ZNF490: variants seen among roughly 807,000 people sequenced by gnomAD.
The protein encoded by ZNF490 is zinc finger protein 490.
ZNF490 carries 11 observed loss-of-function variants against 17.7 expected under a neutral mutation model. That is an observed-to-expected ratio of 0.62 (90% confidence interval 0.39 to 1.03). The LOEUF is 1.03. ZNF490 is among the 50% of genes least tolerant of loss of function. The pLI is 0.00. For missense variants in ZNF490, 542 were observed against 643.4 expected (o/e 0.84, Z 1.71); for synonymous variants, 222 against 216.1 (o/e 1.03, Z -0.24).
intron 4 of ZNF490, among the ~76,000 whole-genome samples, 162 bp downstream of exon 4, chr19:12,582,688 C>T (rs2022754854): frequency 6.6e-6 from 1 of 152,170 alleles, no homozygotes. Flanking sequence ...GCCACCACGC[C>T]TGGCTGCCCA....
In ZNF490 at chr19:12,580,392, C is replaced by A; in HGVS notation, c.*93G>T. ...AGGACAACTGAAGGCTTAATCACACCGTTTACATTCCTTGAATTTCTCTCC... is the reference window on the plus strand; with the variant it reads ...AGGACAACTGAAGGCTTAATCACACAGTTTACATTCCTTGAATTTCTCTCC... On this transcript the variant is annotated 3_prime_UTR_variant, in exon 5 of 5. Transcript: ENST00000311437. 2.7e-6 allele frequency: 4 copies of A among 1,496,652 alleles called. No homozygotes were observed. Among genetic ancestry groups the A allele is most frequent in the Non-Finnish European group, 3.6e-6 (4 of 1,126,730 alleles). 92.7% of individuals were successfully genotyped at this position (1,496,652 alleles called of 1,614,324 possible).
At chr19:12,610,055 A>C in intron 1 of ZNF490, 2 of 426,524 alleles carry the variant, frequency 4.7e-6, no homozygotes, top group Non-Finnish European at 9.2e-6. Flanking sequence ...CAACGAAAAC[A>C]AACCATTTCC....
Position 12,580,648 on chromosome 19 carries a change from C to G in ZNF490, c.1427G>C (p.Cys476Ser). The G allele has an allele frequency of 6.2e-7, 1 of 1,614,222 alleles. No individual in the cohort carries two copies. Residue 476 changes from cysteine to serine, a missense_variant, in exon 5 of 5, where the codon TGT (cysteine) becomes TCT (serine). Physicochemically the swap from Cys to Ser is moderately radical, Grantham distance 112 (BLOSUM62 -1). Transcript: ENST00000311437. ...AGTGAAAGCTTTGCCACACTGCTTACACTCACATGGTTTCACTCCAGTGTG... is the reference window on the plus strand; with the variant it reads ...AGTGAAAGCTTTGCCACACTGCTTAGACTCACATGGTTTCACTCCAGTGTG... ...RSHTGVKPCE[C>S]KQCGKAFTCL...
intron 2 of ZNF490, among the ~76,000 whole-genome samples, chr19:12,607,553 T>G (rs1241849506): frequency 1.3e-5 from 2 of 151,770 alleles, no homozygotes; most frequent in Admixed American, 6.6e-5. Context: ...ATAATGGAAC[T>G]TCTCAGTATT....
chr19:12,589,540 T>A (rs1167086592), intron 2 of ZNF490, among the ~76,000 whole-genome samples: 1 of 150,042 alleles, frequency 6.7e-6, no homozygotes, highest in African/African-American at 2.4e-5. Context: ...GATAGCAAAC[T>A]AGGAATAGAA....
At chr19:12,602,079 T>TAC (rs61568541) in intron 2 of ZNF490, among the ~76,000 whole-genome samples, 5,970 of 68,538 alleles carry the variant, frequency 0.087, 165 homozygotes, top group East Asian at 0.16. Flanking sequence ...GTTCACTATA[T>TAC]ACACACACAC....
Position 12,584,301 on chromosome 19 carries a change from C to T in ZNF490, c.163-745G>A, listed in dbSNP as rs564038771. Reference sequence around the variant, plus strand: ...CCTCCCAAGTAGCTGGGACTACAGGCGCGTGCCACCACGCCCAGCTAATTT... The same window carrying T: ...CCTCCCAAGTAGCTGGGACTACAGGTGCGTGCCACCACGCCCAGCTAATTT... On this transcript the variant is annotated intron_variant, in intron 2 of 4. Coordinates refer to ENST00000311437, the MANE Select transcript of ZNF490 (RefSeq NM_020714.3). Among the ~76,000 whole-genome samples, 21 of 89,906 alleles carry T rather than the reference C, an allele frequency of 2.3e-4. 5 individuals carry two copies. The highest frequency in any genetic ancestry group is 8.4e-4 in the East Asian group (4 of 4,772). 59.0% of individuals were successfully genotyped at this position (89,906 alleles called of 152,430 possible).
rs1478783621 is a variant in ZNF490, at chr19:12,583,785, CTCTCTCTA to C, written c.163-237_163-230del. Among the ~76,000 whole-genome samples the C allele has an allele frequency of 4.1e-3, 361 of 87,994 alleles. 2 individuals are homozygous for C. The highest frequency in any genetic ancestry group is 5.2e-3 in the African/African-American group (102 of 19,686). 57.7% of individuals were successfully genotyped at this position (87,994 alleles called of 152,430 possible). A position where few individuals can be genotyped will look rare whatever the true frequency, so the allele number is the denominator to read the frequency against. ...TCTCTCTCTCTCTCTCTCTCTCTCT[CTCTCTCTA>C]TATATATATATATATATATTTTTTT... On this transcript the variant is annotated intron_variant, in intron 2 of 4. Coordinates refer to ENST00000311437, the MANE Select transcript of ZNF490 (RefSeq NM_020714.3).
At chr19:12,588,853 T>C (rs899656708) in intron 2 of ZNF490, among the ~76,000 whole-genome samples, 2 of 152,176 alleles carry the variant, frequency 1.3e-5, no homozygotes, top group Admixed American at 6.6e-5. Flanking sequence ...TTCTAAATAA[T>C]GCATGGATGA....
At position 12,587,356 on chromosome 19, in the gene ZNF490, A is replaced by G. The variant is rs1226973363; in HGVS notation, c.163-3800T>C. ...ACTATGTTGCCCAGGCTTGTCTCAA[A>G]CTCCTGGCCTCAAGCAATCATCCTG... On this transcript the variant is annotated intron_variant, in intron 2 of 4. Transcript: ENST00000311437. Among the ~76,000 whole-genome samples the G allele has an allele frequency of 8.3e-5, 7 of 84,132 alleles. 3 individuals carry two copies. The highest frequency in any genetic ancestry group is 2.2e-4 in the Non-Finnish European group (7 of 32,198). 55.2% of individuals were successfully genotyped at this position (84,132 alleles called of 152,430 possible).
intron 3 of ZNF490, 152 bp downstream of exon 3, chr19:12,583,278 A>C (rs2022763319): frequency 7.3e-6 from 6 of 824,894 alleles, no homozygotes; most frequent in Non-Finnish European, 1.1e-5. Flanking sequence ...TGACCTCTTA[A>C]TCCGCCCGCC....
chr19:12,580,068 C>T lies in ZNF490; in HGVS notation c.*417G>A, dbSNP rs2022706868. Reference sequence around the variant, plus strand: ...GTTGCGGTGAGCCGCGATCGCACCACTGCACTCCAGCCTGGGCAACAAGAG... The same window carrying T: ...GTTGCGGTGAGCCGCGATCGCACCATTGCACTCCAGCCTGGGCAACAAGAG... On this transcript the variant is annotated 3_prime_UTR_variant, in exon 5 of 5. Transcript: ENST00000311437. 1 of 882,316 alleles carries T rather than the reference C, an allele frequency of 1.1e-6. No homozygotes were observed. Among genetic ancestry groups the T allele is most frequent in the Non-Finnish European group, 1.4e-6 (1 of 735,104 alleles). The allele number at this position is 882,316 out of a possible 1,614,324, so 54.7% of individuals were successfully genotyped here.
At chr19:12,599,810 T>C (rs1205896369) in intron 2 of ZNF490, among the ~76,000 whole-genome samples, 2 of 152,188 alleles carry the variant, frequency 1.3e-5, no homozygotes, top group South Asian at 2.1e-4. Context: ...AAAATAAAGC[T>C]GAAAGTTTAA....
intron 2 of ZNF490, among the ~76,000 whole-genome samples, chr19:12,599,773 A>T (rs1419565106): frequency 6.6e-6 from 1 of 152,182 alleles, no homozygotes; most frequent in Non-Finnish European, 1.5e-5. Context: ...TTTTGCCTAA[A>T]TAAAAGGTTA....
chr19:12,592,440 ATAT>A, intron 2 of ZNF490, among the ~76,000 whole-genome samples: 1 of 152,190 alleles, frequency 6.6e-6, no homozygotes. Context: ...ACTTGAACAT[ATAT>A]TATTAAGTGA....
intron 2 of ZNF490, among the ~76,000 whole-genome samples, chr19:12,588,155 T>C (rs1274488699): frequency 8.0e-5 from 12 of 150,548 alleles, no homozygotes; most frequent in African/African-American, 2.7e-4. Context: ...TGAGACACCA[T>C]GCCTGGTCAA....
intron 2 of ZNF490, among the ~76,000 whole-genome samples, chr19:12,607,704 C>G (rs754414665): frequency 6.7e-6 from 1 of 149,862 alleles, no homozygotes; most frequent in Non-Finnish European, 1.5e-5. Context: ...GAGCTTGAGA[C>G]CAGCCTGGGC....
At chr19:12,590,065 CCA>C (rs1245140225) in intron 2 of ZNF490, among the ~76,000 whole-genome samples, 1 of 151,758 alleles carries the variant, frequency 6.6e-6, no homozygotes, top group Non-Finnish European at 1.5e-5. Context: ...CAGGCATGTG[CCA>C]CCACGCCCCG....
At position 12,610,024 on chromosome 19, in the gene ZNF490, A is replaced by G. The variant is rs74257988; in HGVS notation, c.117+540T>C. The stretch of plus-strand genomic sequence containing the variant: ...AAAGCAATAAAAACATGCTTAAACT[A>G]AAAACAAACAAACAAAAAAACAACG... On this transcript the variant is annotated intron_variant, in intron 1 of 4. Coordinates refer to ENST00000311437, the MANE Select transcript of ZNF490 (RefSeq NM_020714.3). 1.0e-3 allele frequency: 438 copies of G among 433,596 alleles called. 6 individuals are homozygous for G. The East Asian group carries it at 0.024, about 24-fold the overall frequency. 26.9% of individuals were successfully genotyped at this position (433,596 alleles called of 1,614,324 possible). A position where few individuals can be genotyped will look rare whatever the true frequency, so the allele number is the denominator to read the frequency against.
Sources: gnomAD v4.1 joint callset for allele counts (sites outside exome capture counted in the v4.1 genomes callset) on GRCh38, gnomAD v4.1.1 for gene constraint, MANE v1.5 for transcripts, NCBI Gene and HGNC (gene_info 2026-07-23, HGNC 2026-07-21) for gene names.